Variants in TJP1 observed in about 807,000 individuals in gnomAD.
The protein encoded by TJP1 is tight junction protein 1.
Under a neutral mutation model 194.2 loss-of-function variants are expected in TJP1, and 43 were observed. The observed-to-expected ratio is 0.22, with a 90% CI of 0.17 to 0.29. TJP1 has a LOEUF of 0.29. TJP1 is among the 10% of genes least tolerant of loss of function. The pLI, the probability that TJP1 is intolerant of heterozygous loss-of-function variation, is 1.00. For synonymous variants in TJP1, 801 were observed against 779.0 expected, an observed-to-expected ratio of 1.03 and a Z score of -0.47; for missense variants, 1,971 against 2,185.7, an observed-to-expected ratio of 0.90 and a Z score of 1.96.
intron 1 of TJP1, among the ~76,000 whole-genome samples, chr15:29,958,994 T>TG (rs1555461220): frequency 6.6e-6 from 1 of 151,690 alleles, no homozygotes; most frequent in African/African-American, 2.4e-5. Context: ...AGTTTTTTTT[T>TG]TTTGTTTTTT....
chr15:29,907,824 G>A (rs56658700), intron 2 of TJP1, among the ~76,000 whole-genome samples: 9,192 of 151,800 alleles, frequency 0.061, 320 homozygotes, highest in South Asian at 0.098. Context: ...CTGGCAACCT[G>A]TCTCCCTATG....
chr15:29,726,598 A>AT, intron 17 of TJP1, 119 bp from the exon 18 acceptor site: 1 of 1,184,764 alleles, frequency 8.4e-7, no homozygotes, highest in East Asian at 2.5e-5. Flanking sequence ...GGATGCAAAC[A>AT]TTTGAAATTT....
intron 2 of TJP1, among the ~76,000 whole-genome samples, chr15:29,858,054 C>T (rs377389616): frequency 1.3e-5 from 2 of 152,326 alleles, no homozygotes. Context: ...TGAGCCACCG[C>T]ACCCAGCCTA....
At chr15:29,717,585 C>T (rs2042644178) in intron 22 of TJP1, among the ~76,000 whole-genome samples, 1 of 152,166 alleles carries the variant, frequency 6.6e-6, no homozygotes, top group African/African-American at 2.4e-5. Context: ...AACAGTGTCA[C>T]CTCATTATGC....
At chr15:29,964,789 T>C (rs547623091) in intron 1 of TJP1, among the ~76,000 whole-genome samples, 2 of 152,328 alleles carry the variant, frequency 1.3e-5, no homozygotes, top group Non-Finnish European at 2.9e-5. Context: ...CTTTGTTCTG[T>C]GTTCCTAAGT....
At chr15:29,738,177 A>G (rs2151307216) in intron 10 of TJP1, among the ~76,000 whole-genome samples, 1 of 152,364 alleles carries the variant, frequency 6.6e-6, no homozygotes, top group Admixed American at 6.5e-5. Context: ...GACTGGATAG[A>G]AACAGACTGT....
intron 2 of TJP1, among the ~76,000 whole-genome samples, chr15:29,879,881 T>C (rs947856051): frequency 6.6e-6 from 1 of 152,114 alleles, no homozygotes; most frequent in African/African-American, 2.4e-5. Flanking sequence ...CAGCTAATTT[T>C]TTGTATTTTT....
At chr15:29,751,876 CA>C (rs1460470150) in intron 8 of TJP1, among the ~76,000 whole-genome samples, 2 of 152,122 alleles carry the variant, frequency 1.3e-5, no homozygotes, top group Non-Finnish European at 2.9e-5. Flanking sequence ...TAGAAGAAAA[CA>C]AATCTCAGCT....
intron 2 of TJP1, among the ~76,000 whole-genome samples, chr15:29,902,434 T>G (rs2053663219): frequency 6.6e-6 from 1 of 152,154 alleles, no homozygotes; most frequent in Non-Finnish European, 1.5e-5. Flanking sequence ...TCAGGCTTCA[T>G]TTTTTAAAAA....
chr15:29,914,367 C>T (rs954013695), intron 2 of TJP1, among the ~76,000 whole-genome samples: 1 of 152,128 alleles, frequency 6.6e-6, no homozygotes, highest in Non-Finnish European at 1.5e-5. Flanking sequence ...CATTTGACCT[C>T]CAGAGGCCCT....
At chr15:29,839,092 G>A (rs1252935403) in intron 2 of TJP1, among the ~76,000 whole-genome samples, 7 of 131,074 alleles carry the variant, frequency 5.3e-5, no homozygotes, top group South Asian at 2.6e-4. Context: ...TCCGCCTCCC[G>A]GGTTCACGCC....
At chr15:29,757,333 C>G (rs1349755625) in intron 8 of TJP1, among the ~76,000 whole-genome samples, 1 of 152,132 alleles carries the variant, frequency 6.6e-6, no homozygotes, top group Non-Finnish European at 1.5e-5. Context: ...TCAAGTGAAA[C>G]CTTTCTCACA....
In TJP1 at chr15:29,766,559, T is replaced by TTAAAA. The variant is rs1250497541; in HGVS notation, c.313-22_313-18dup. On this transcript the variant is annotated splice_polypyrimidine_tract_variant and intron_variant, in intron 4 of 27. Coordinates refer to ENST00000614355, the MANE Select transcript of TJP1 (RefSeq NM_001330239.4). ...TCTAATTGTCTGCAAGTTAAAAAGG[T>TTAAAA]TAAAAAATAAGTTGACTGATTTTCA... 2.6e-6 allele frequency: 4 copies of TTAAAA among 1,524,142 alleles called. No homozygotes were observed. Among genetic ancestry groups the TTAAAA allele is most frequent in the Non-Finnish European group, 1.8e-6 (2 of 1,138,646 alleles). 94.4% of individuals were successfully genotyped at this position (1,524,142 alleles called of 1,614,324 possible).
chr15:29,950,076 CCACCACCATCTT>C (rs1379316906), intron 2 of TJP1, among the ~76,000 whole-genome samples: 2 of 51,888 alleles, frequency 3.9e-5, no homozygotes, highest in African/African-American at 1.1e-4. Context: ...ACCACCTCCA[CCACCACCATCTT>C]CACCACCACC....
chr15:29,759,461 G>A (rs1783159672), intron 8 of TJP1: 1 of 152,016 alleles, frequency 6.6e-6, no homozygotes, highest in Non-Finnish European at 1.5e-5. Flanking sequence ...ATACCTCATA[G>A]TTACTTTTCT....
intron 2 of TJP1, among the ~76,000 whole-genome samples, chr15:29,863,430 CACA>C (rs1306680921): frequency 6.6e-6 from 1 of 152,130 alleles, no homozygotes; most frequent in Non-Finnish European, 1.5e-5. Context: ...GTCCTCAGCT[CACA>C]ACGAGTTCTC....
At chr15:29,953,266 C>T (rs1022153933) in intron 2 of TJP1, among the ~76,000 whole-genome samples, 1 of 151,366 alleles carries the variant, frequency 6.6e-6, no homozygotes, top group Non-Finnish European at 1.5e-5. Context: ...CTCAGGCTCC[C>T]GAGTAGCTGT....
intron 22 of TJP1, 40 bp from the exon 23 acceptor site, chr15:29,716,878 T>C (rs2042601937): frequency 3.3e-6 from 5 of 1,500,428 alleles, no homozygotes; most frequent in Non-Finnish European, 2.7e-6. Context: ...CCTTTTTAAA[T>C]ATTAATGTTA....
At chr15:29,719,712 C>CTTTTAA (rs1338131427) in intron 20 of TJP1, 65 bp downstream of exon 20, 1 of 1,563,290 alleles carries the variant, frequency 6.4e-7, no homozygotes, top group African/African-American at 1.4e-5. Flanking sequence ...AAGGGCAAAG[C>CTTTTAA]AAAAATGATC....
Sources: allele counts gnomAD v4.1 joint callset (sites outside exome capture counted in the v4.1 genomes callset), GRCh38; gene constraint gnomAD v4.1.1; transcripts MANE v1.5; gene names NCBI Gene and HGNC (gene_info 2026-07-23, HGNC 2026-07-21).